Variants in NME8 observed in about 807,000 individuals in gnomAD.
NME8 encodes the protein NME/NM23 family member 8.
In NME8, 72 loss-of-function variants were observed where a neutral mutation model predicts 82.3. That is an observed-to-expected ratio of 0.87 (90% CI 0.72 to 1.06). NME8 has a LOEUF of 1.06. Ranked by LOEUF, NME8 falls within the 50% of genes least tolerant of loss-of-function variation. NME8 has a pLI of 0.00. For missense variants in NME8, 712 were observed against 685.4 expected (o/e 1.04, Z -0.43); for synonymous variants, 267 against 228.5 (o/e 1.17, Z -1.52).
intron 11 of NME8, among the ~76,000 whole-genome samples, chr7:37,870,400 T>C (rs113033536): frequency 0.24 from 36,115 of 151,502 alleles, 4,878 homozygotes; most frequent in African/African-American, 0.37. Flanking sequence ...ACCAGCCTGA[T>C]CAACATGGTG....
intron 2 of NME8, 149 bp downstream of exon 2, chr7:37,849,205 A>G (rs2598046): frequency 0.27 from 40,403 of 152,070 alleles, 5,608 homozygotes; most frequent in African/African-American, 0.35. Context: ...AGGGAGTTTG[A>G]GAAGTTTATG....
At chr7:37,889,621 C>CT (rs924976531) in intron 15 of NME8, among the ~76,000 whole-genome samples, 145 of 151,780 alleles carry the variant, frequency 9.6e-4, no homozygotes, top group African/African-American at 3.5e-3. Context: ...TCCCTTGGGC[C>CT]TTTGAGTTAT....
intron 17 of NME8, among the ~76,000 whole-genome samples, chr7:37,897,413 T>C (rs1406901990): frequency 6.6e-6 from 1 of 152,162 alleles, no homozygotes; most frequent in African/African-American, 2.4e-5. Flanking sequence ...TCTTGAGCTG[T>C]GGTGTCTTCT....
intron 15 of NME8, among the ~76,000 whole-genome samples, chr7:37,889,653 A>G (rs1374751748): frequency 6.6e-6 from 1 of 151,794 alleles, no homozygotes; most frequent in Non-Finnish European, 1.5e-5. Flanking sequence ...ATTATTTTTA[A>G]AGAGATTTTT....
intron 9 of NME8, among the ~76,000 whole-genome samples, chr7:37,865,112 C>T (rs1784658043): frequency 6.6e-6 from 1 of 152,166 alleles, no homozygotes; most frequent in South Asian, 2.1e-4. Context: ...TCAATAGTCC[C>T]CCAAAGTCTT....
chr7:37,848,837 C>T lies in NME8; in HGVS notation c.-227C>T, dbSNP rs1267511646. ...TCTTCTTCCCAGACAGGCAGGGAAT[C>T]CCTCTTCTTCCTTTTGCTGAATCAG... On this transcript the variant is annotated 5_prime_UTR_variant, in exon 2 of 18. Transcript: ENST00000199447. 1 of 152,268 alleles carries T rather than the reference C, an allele frequency of 6.6e-6. No individual in the cohort carries two copies. The highest frequency in any genetic ancestry group is 1.5e-5 in the Non-Finnish European group (1 of 68,116). 9.4% of individuals were successfully genotyped at this position (152,268 alleles called of 1,614,324 possible). A position where few individuals can be genotyped will look rare whatever the true frequency, so the allele number is the denominator to read the frequency against.
At position 37,876,880 on chromosome 7, in the gene NME8, T is replaced by C. The variant is rs756633731; in HGVS notation, c.867T>C (p.Ile289=). 1.9e-6 allele frequency: 3 copies of C among 1,613,234 alleles called. No individual in the cohort carries two copies. Among genetic ancestry groups the C allele is most frequent in the Non-Finnish European group, 2.5e-6 (3 of 1,179,442 alleles). The stretch of plus-strand genomic sequence containing the variant: ...AACATTTAGCTCAGCTCTGTGACAT[T>C]GAAGAGGATGCAGCTAATGTTGCTA... The part of the protein sequence containing the change: ...ERQHLAQLCD[I]EEDAANVAKF... Residue 289 remains isoleucine (I), a synonymous_variant, in exon 12 of 18, where the codon ATT becomes ATC. Transcript: ENST00000199447.
At chr7:37,860,935 A>G (rs977839292) in intron 6 of NME8, among the ~76,000 whole-genome samples, 1 of 152,194 alleles carries the variant, frequency 6.6e-6, no homozygotes, top group African/African-American at 2.4e-5. Context: ...ATTCTATCCA[A>G]GTCATACCTT....
intron 16 of NME8, among the ~76,000 whole-genome samples, chr7:37,895,575 G>A (rs554084819): frequency 3.3e-5 from 5 of 152,000 alleles, no homozygotes; most frequent in Non-Finnish European, 5.9e-5. Flanking sequence ...CATCATTATC[G>A]ATTTACTATG....
intron 12 of NME8, 27 bp downstream of exon 12, chr7:37,877,034 A>C: frequency 6.4e-7 from 1 of 1,572,114 alleles, no homozygotes; most frequent in Non-Finnish European, 8.7e-7. Flanking sequence ...AAATTGTTTA[A>C]GTATTTTATA....
rs1785186595 is a variant in NME8, at chr7:37,894,494, T to A, written c.1428T>A (p.Ala476=). Residue 476 remains alanine, a synonymous_variant, in exon 16 of 18, where the codon GCT becomes GCA. Transcript: ENST00000199447. ...AGATCCTGAAGATAGTTAAGGAGGC[T>A]GGATTTGATCTGACACAGGTGAAGA... ...REQILKIVKE[A]GFDLTQVKKM... 6.2e-7 allele frequency: 1 copy of A among 1,613,076 alleles called. No homozygotes were observed. Among genetic ancestry groups the A allele is most frequent in the Non-Finnish European group, 8.5e-7 (1 of 1,179,408 alleles).
At chr7:37,871,084 G>A (rs1042930992) in intron 11 of NME8, among the ~76,000 whole-genome samples, 2 of 152,224 alleles carry the variant, frequency 1.3e-5, no homozygotes, top group Non-Finnish European at 2.9e-5. Context: ...GGTGGGGATG[G>A]AGAGGGTGAG....
At chr7:37,885,314 G>A (rs1433589675) in intron 14 of NME8, 62 bp downstream of exon 14, 1 of 1,003,788 alleles carries the variant, frequency 1.0e-6, no homozygotes, top group South Asian at 1.3e-5. Flanking sequence ...CACCTTTTTA[G>A]ATGTAGAGTA....
rs564725027 is a variant in NME8 at position 37,899,617 on chromosome 7, A to G, written c.*16-627A>G. ...GATGGGATGATCTGTGCAGCAAACTACCATGGCACACATTTACCTATGAAA... is the reference window on the plus strand; with the variant it reads ...GATGGGATGATCTGTGCAGCAAACTGCCATGGCACACATTTACCTATGAAA... On this transcript the variant is annotated intron_variant, in intron 17 of 17. Transcript: ENST00000199447. Among the ~76,000 whole-genome samples the G allele has an allele frequency of 5.7e-4, 87 of 152,226 alleles. 1 individual carries two copies. Among genetic ancestry groups the G allele is most frequent in the South Asian group, 1.5e-3 (7 of 4,818 alleles).
chr7:37,858,150 A>G (rs2131943801), intron 6 of NME8, among the ~76,000 whole-genome samples: 1 of 152,348 alleles, frequency 6.6e-6, no homozygotes, highest in South Asian at 2.1e-4. Context: ...TGTGTGACAC[A>G]GGGTATAGCT....
At chr7:37,867,932 A>C (rs1472060077) in intron 11 of NME8, 34 bp downstream of exon 11, 2 of 1,589,000 alleles carry the variant, frequency 1.3e-6, no homozygotes, top group Non-Finnish European at 1.7e-6. Flanking sequence ...TGTTACTTGC[A>C]ATGTGTTATT....
chr7:37,860,504 A>T (rs946856286), intron 6 of NME8, among the ~76,000 whole-genome samples: 5 of 152,182 alleles, frequency 3.3e-5, no homozygotes, highest in Non-Finnish European at 7.4e-5. Flanking sequence ...CTTTTGGCTT[A>T]TGTGACTTGG....
intron 15 of NME8, among the ~76,000 whole-genome samples, chr7:37,891,848 T>G (rs1785134205): frequency 6.6e-6 from 1 of 152,038 alleles, no homozygotes; most frequent in South Asian, 2.1e-4. Context: ...GAGTGCCTAT[T>G]ATTTGTTTTC....
At chr7:37,864,907 A>T (rs1784654562) in intron 9 of NME8, among the ~76,000 whole-genome samples, 1 of 152,156 alleles carries the variant, frequency 6.6e-6, no homozygotes, top group Non-Finnish European at 1.5e-5. Context: ...ATTCACTATC[A>T]TGAGAACAGT....
Sources: allele counts gnomAD v4.1 joint callset (sites outside exome capture counted in the v4.1 genomes callset), GRCh38; gene constraint gnomAD v4.1.1; transcripts MANE v1.5; gene names NCBI Gene and HGNC (gene_info 2026-07-23, HGNC 2026-07-21).